Variants in MFSD12 observed in about 807,000 individuals in gnomAD.
The protein encoded by MFSD12 is major facilitator superfamily domain-containing protein 12.
A neutral mutation model predicts 51.2 loss-of-function variants in MFSD12; 67 were observed. That is an observed-to-expected ratio of 1.31 (90% CI 1.08 to 1.60). The LOEUF (loss-of-function observed/expected upper bound fraction) is 1.60, where lower values mean the gene tolerates loss of function less well. MFSD12 is among the 40% of genes most tolerant of loss of function. The probability of loss-of-function intolerance (pLI) is 0.00; values close to 1 mark genes in which losing one functional copy is unlikely to be tolerated. For synonymous variants in MFSD12, 441 were observed against 316.7 expected (o/e 1.39, Z -4.17); for missense variants, 921 against 673.0 (o/e 1.37, Z -4.08).
At chr19:3,538,616 C>T (rs960669825) in exon 5 of MFSD12, 5 of 447,924 alleles carry the variant, frequency 1.1e-5, no homozygotes, top group African/African-American at 4.0e-5. Flanking sequence ...GTCAGAGCTT[C>T]GCACCTCCTT....
downstream of MFSD12, chr19:3,543,551 G>A (rs553617422): frequency 1.2e-4 from 154 of 1,303,290 alleles, no homozygotes; most frequent in African/African-American, 6.5e-4. Context: ...CCGCCCCACC[G>A]CAGCCTACAC....
Position 3,544,716 on chromosome 19 carries a change from C to G in MFSD12, c.1437G>C (p.Arg479=), listed in dbSNP as rs746308651. Residue 479 remains arginine (R), a synonymous_variant, in exon 10 of 10, where the codon CGG becomes CGC. Coordinates refer to ENST00000355415, the MANE Select transcript of MFSD12 (RefSeq NM_174983.5). ...TRLRRWDRDA[R]P The stretch of plus-strand genomic sequence containing the variant: ...TGCAGGAGGCTGTCAGGAGTCAGGG[C>G]CGGGCATCACGGTCCCCTGCAAGGG... 1 of 1,601,240 alleles carries G rather than the reference C, an allele frequency of 6.2e-7. No homozygotes were observed. The highest frequency in any genetic ancestry group is 1.7e-5 in the Admixed American group (1 of 59,466).
At chr19:3,554,463 A>G (rs1002964245) in intron 1 of MFSD12, among the ~76,000 whole-genome samples, 19 of 139,908 alleles carry the variant, frequency 1.4e-4, no homozygotes, top group African/African-American at 4.4e-4. Context: ...AAAAAAAAAA[A>G]AAAGAAAGAA....
intron 2 of MFSD12, among the ~76,000 whole-genome samples, chr19:3,549,479 T>C (rs2031329150): frequency 6.6e-6 from 1 of 152,132 alleles, no homozygotes; most frequent in Non-Finnish European, 1.5e-5. Flanking sequence ...ATCTCAGCAC[T>C]TTGGGAGGCT....
intron 1 of MFSD12, among the ~76,000 whole-genome samples, chr19:3,553,410 C>A (rs1056038532): frequency 4.7e-5 from 7 of 149,990 alleles, no homozygotes; most frequent in African/African-American, 1.7e-4. Context: ...GAGGTCGAGG[C>A]TGCAGTGAGT....
At chr19:3,543,504 G>T (rs1355881811), downstream of MFSD12, 3 of 1,378,434 alleles carry the variant, frequency 2.2e-6, no homozygotes, top group African/African-American at 4.7e-5. Context: ...CCTGGGCAGC[G>T]GGCCTGCCAG....
At chr19:3,545,929 G>A (rs1005381480) in intron 8 of MFSD12, 145 bp downstream of exon 8, 1 of 780,344 alleles carries the variant, frequency 1.3e-6, no homozygotes. Flanking sequence ...GAAAGGAAAG[G>A]TCTCCCCTGC....
chr19:3,555,703 C>T (rs904864673), intron 1 of MFSD12, among the ~76,000 whole-genome samples: 10 of 152,298 alleles, frequency 6.6e-5, no homozygotes, highest in Non-Finnish European at 5.9e-5. Flanking sequence ...CCACCCATCC[C>T]AGTCATTGTT....
chr19:3,543,360 C>G (rs557865552), downstream of MFSD12: 7 of 1,549,314 alleles, frequency 4.5e-6, no homozygotes, highest in South Asian at 4.8e-5. Context: ...CTGACCAACT[C>G]GGACGCCTGG....
Position 3,554,393 on chromosome 19 carries a change from C to T in MFSD12, c.298+2713G>A, listed in dbSNP as rs566315914. ...CGAAGGTTGCAGTGAGCCGAGATCC[C>T]GCTACTGCACTCCAGCCTGAGCGAC... On this transcript the variant is annotated intron_variant, in intron 1 of 9. Coordinates refer to ENST00000355415, the MANE Select transcript of MFSD12 (RefSeq NM_174983.5). Among the ~76,000 whole-genome samples, 24 of 151,236 alleles carry T rather than the reference C, an allele frequency of 1.6e-4. No homozygotes were observed. In the East Asian group the frequency reaches 2.9e-3, roughly 18 times the overall value.
Position 3,544,294 on chromosome 19 carries a change from C to G in MFSD12, c.*416G>C. On this transcript the variant is annotated 3_prime_UTR_variant, in exon 10 of 10. Transcript: ENST00000355415. ...GTGGGGTCCAGGCCCAGCCCACCAC[C>G]CCGTGGCTGTCTCCTCCAGGCTCCA... 7.8e-7 allele frequency: 1 copy of G among 1,285,154 alleles called. No homozygotes were observed. The highest frequency in any genetic ancestry group is 3.1e-5 in the East Asian group (1 of 32,702). The allele number at this position is 1,285,154 out of a possible 1,614,324, so 79.6% of individuals were successfully genotyped here.
rs2031246185 is a variant in MFSD12, at chr19:3,548,286, G to A, written c.510-19C>T. On this transcript the variant is annotated intron_variant, in intron 2 of 9. Coordinates refer to ENST00000355415, the MANE Select transcript of MFSD12 (RefSeq NM_174983.5). ...CGCATACCTGGCGGGCAGGCGGGCA[G>A]GGACTCAACAAGACGCCAGGAACCT... The A allele has an allele frequency of 6.5e-7, 1 of 1,545,586 alleles. No homozygotes were observed. Among genetic ancestry groups the A allele is most frequent in the Non-Finnish European group, 8.7e-7 (1 of 1,146,806 alleles).
At chr19:3,545,337 C>T (rs527944721) in intron 8 of MFSD12, among the ~76,000 whole-genome samples, 12 of 152,214 alleles carry the variant, frequency 7.9e-5, no homozygotes, top group Non-Finnish European at 1.5e-4. Context: ...TCCCACTGTC[C>T]TCAGGGTCAA....
downstream of MFSD12, chr19:3,541,659 A>T (rs1476536797): frequency 1.0e-6 from 1 of 985,204 alleles, no homozygotes; most frequent in Non-Finnish European, 1.2e-6. Flanking sequence ...ATGGAGATGC[A>T]GTGAATGGGC....
At chr19:3,538,798 G>A (rs771333715) in intron 4 of MFSD12, 3 of 542,998 alleles carry the variant, frequency 5.5e-6, no homozygotes, top group Admixed American at 4.1e-5. Flanking sequence ...AGTGGGTGAG[G>A]AGTGAGGAGC....
chr19:3,544,026 A>C, downstream of MFSD12: 1 of 1,523,162 alleles, frequency 6.6e-7, no homozygotes, highest in Non-Finnish European at 8.9e-7. Context: ...TGCTACCAGG[A>C]TGCACCCACT....
intron 8 of MFSD12, among the ~76,000 whole-genome samples, chr19:3,545,164 T>C (rs2030882664): frequency 6.6e-6 from 1 of 152,120 alleles, no homozygotes. Context: ...TCCCCTTCCC[T>C]GTCTCCTCAT....
downstream of MFSD12, chr19:3,542,807 G>C (rs777450876): frequency 1.5e-6 from 2 of 1,371,948 alleles, no homozygotes; most frequent in East Asian, 9.0e-5. Flanking sequence ...TCTTCCCTGG[G>C]CCATGGCTTA....
chr19:3,546,568 A>G (rs529655133), intron 6 of MFSD12, 143 bp from the exon 7 acceptor site: 3 of 982,266 alleles, frequency 3.1e-6, no homozygotes, highest in South Asian at 3.4e-5. Context: ...GGCCCTGGAC[A>G]CAACACCGAG....
Sources: allele counts gnomAD v4.1 joint callset (sites outside exome capture counted in the v4.1 genomes callset), GRCh38; gene constraint gnomAD v4.1.1; transcripts MANE v1.5; gene names NCBI Gene and HGNC (gene_info 2026-07-23, HGNC 2026-07-21).